PLXNB2: variants seen among roughly 807,000 people sequenced by gnomAD.
The protein encoded by PLXNB2 is plexin B2.
PLXNB2 carries 85 observed loss-of-function variants against 202.6 expected under a neutral mutation model. The ratio of observed to expected loss-of-function variants is 0.42; its 90% CI spans 0.35 to 0.50. PLXNB2 has a LOEUF of 0.50. Among genes scored for constraint, PLXNB2 ranks in the 20% least tolerant of loss-of-function variants. The pLI, the probability that PLXNB2 is intolerant of heterozygous loss-of-function variation, is 0.02. For missense variants in PLXNB2, 2,063 were observed against 2,586.2 expected (o/e 0.80, Z 4.39); for synonymous variants, 1,239 against 1,137.6 (o/e 1.09, Z -1.79).
At chr22:50,279,082 C>T in intron 27 of PLXNB2, 71 bp from the exon 28 acceptor site, 12 of 1,468,390 alleles carry the variant, frequency 8.2e-6, no homozygotes, top group Non-Finnish European at 1.0e-5. Context: ...GAGCCACTCC[C>T]TGCCCCGCCA....
At chr22:50,287,607 G>T in intron 7 of PLXNB2, 60 bp downstream of exon 7, 1 of 1,465,894 alleles carries the variant, frequency 6.8e-7, no homozygotes, top group South Asian at 1.3e-5. Context: ...CCCAGCATGG[G>T]GGAGCCCCCA....
chr22:50,283,661 C>A lies in PLXNB2; in HGVS notation c.2511G>T (p.Arg837Ser). Reference sequence around the variant, plus strand: ...AGCAGTTCCGGCCGGCCACAGAGATCCTCTGGATGTCCCCTGCTTGGACGC... The same window carrying A: ...AGCAGTTCCGGCCGGCCACAGAGATACTCTGGATGTCCCCTGCTTGGACGC... Reference protein sequence around the residue: ...NLGVQAGDIQRISVAGRNCSF... With the variant: ...NLGVQAGDIQSISVAGRNCSF... Residue 837 changes from arginine (R) to serine (S), a missense_variant, in exon 15 of 37, where the codon AGG becomes AGT. By Grantham distance (110) the Arg-to-Ser change is moderately radical. Coordinates refer to ENST00000359337, the MANE Select transcript of PLXNB2 (RefSeq NM_012401.4). The A allele has an allele frequency of 6.2e-7, 1 of 1,613,160 alleles. No homozygotes were observed.
At position 50,289,519 on chromosome 22, in the gene PLXNB2, G is replaced by A; in HGVS notation, c.1066C>T (p.Pro356Ser). The change falls in exon 3 of 37, where the codon CCG becomes TCG. Residue 356 changes from proline to serine, a missense_variant and splice_region_variant. Around this residue, in one of 2 missense-constraint regions of PLXNB2, gnomAD observed 1,303 missense variants for 1,476.8 expected, o/e 0.88. Coordinates refer to ENST00000359337, the MANE Select transcript of PLXNB2 (RefSeq NM_012401.4). The surrounding 1 kb of genome is among the most constrained non-coding windows in gnomAD (Gnocchi z 8.0). ...CGAGAACACACTGAGGCCCATACCG[G>A]CGCGTGGCCGCCGCACTGGATATCG... is the stretch of plus-strand genomic sequence containing the variant. ...HGDIQCGGHAPGSSKSFPCGS... is the reference protein window; with the variant it reads ...HGDIQCGGHASGSSKSFPCGS... 1 of 1,607,546 alleles carries A rather than the reference G, an allele frequency of 6.2e-7. No homozygotes were observed. The highest frequency in any genetic ancestry group is 8.5e-7 in the Non-Finnish European group (1 of 1,177,178).
chr22:50,281,845 C>A lies in PLXNB2; in HGVS notation c.3345+9G>T. The A allele has an allele frequency of 6.2e-7, 1 of 1,608,748 alleles. No individual in the cohort carries two copies. Among genetic ancestry groups the A allele is most frequent in the Non-Finnish European group, 8.5e-7 (1 of 1,177,620 alleles). On this transcript the variant is annotated intron_variant, in intron 20 of 36. Coordinates refer to ENST00000359337, the MANE Select transcript of PLXNB2 (RefSeq NM_012401.4). Reference sequence around the variant, plus strand: ...AGGACCCAGACACCCGGGGCTGCACCGTCCTCACCCGGGCGTGGATGAGCT... The same window carrying A: ...AGGACCCAGACACCCGGGGCTGCACAGTCCTCACCCGGGCGTGGATGAGCT...
chr22:50,294,535 A>G (rs2067121715), intron 2 of PLXNB2, among the ~76,000 whole-genome samples, 184 bp downstream of exon 2: 1 of 147,502 alleles, frequency 6.8e-6, no homozygotes, highest in Admixed American at 6.7e-5. Flanking sequence ...CAGCGGCTCC[A>G]TGGGCAGGGA....
intron 1 of PLXNB2, among the ~76,000 whole-genome samples, chr22:50,299,825 G>A (rs1445212589): frequency 6.6e-6 from 1 of 152,166 alleles, no homozygotes; most frequent in African/African-American, 2.4e-5. Context: ...CTGCGAGCCC[G>A]GTACCCGGCC....
rs763008801 is a variant in PLXNB2, at chr22:50,280,476, C to T, written c.4175+13G>A. On this transcript the variant is annotated intron_variant, in intron 25 of 36. Coordinates refer to ENST00000359337, the MANE Select transcript of PLXNB2 (RefSeq NM_012401.4). ...CCGCCCGTGGCCCCGCTCGTGGCCC[C>T]GCCCATGTGCACCTGCGCAGCATCA... 4.7e-5 allele frequency: 75 copies of T among 1,591,990 alleles called. 1 individual carries two copies. Among genetic ancestry groups the T allele is most frequent in the South Asian group, 1.9e-4 (17 of 90,232 alleles).
rs1426634693 is a variant in PLXNB2, at chr22:50,289,166, G to C, written c.1069-24C>G. On this transcript the variant is annotated intron_variant, in intron 3 of 36. Transcript: ENST00000359337. The surrounding 1 kb of genome is among the most constrained non-coding windows in gnomAD (Gnocchi z 8.0). ...CCCTGCGGACCACAGCGTGTCAATG[G>C]CAGGCAGACCCCCTGTCCTGAAGGG... 6.5e-7 allele frequency: 1 copy of C among 1,532,838 alleles called. No homozygotes were observed. Among genetic ancestry groups the C allele is most frequent in the African/African-American group, 1.4e-5 (1 of 73,110 alleles). The allele number at this position is 1,532,838 out of a possible 1,614,324, so 95.0% of individuals were successfully genotyped here.
At chr22:50,304,193 G>T (rs958258370) in intron 1 of PLXNB2, among the ~76,000 whole-genome samples, 1 of 152,182 alleles carries the variant, frequency 6.6e-6, no homozygotes, top group Non-Finnish European at 1.5e-5. Context: ...AGACATCCCC[G>T]GGGGTGGGGC....
At position 50,283,967 on chromosome 22, in the gene PLXNB2, C is replaced by T; in HGVS notation, c.2287G>A (p.Gly763Ser). 6.5e-7 allele frequency: 1 copy of T among 1,549,826 alleles called. No homozygotes were observed. Among genetic ancestry groups the T allele is most frequent in the Non-Finnish European group, 8.7e-7 (1 of 1,150,508 alleles). Residue 763 changes from glycine to serine, a missense_variant, in exon 14 of 37, where the codon GGC (glycine) becomes AGC (serine). Physicochemically the swap from Gly to Ser is moderately conservative, Grantham distance 56 (BLOSUM62 0). Transcript: ENST00000359337. Reference protein sequence around the residue: ...LHVTLYNCSFGRSDCSLCRAA... With the variant: ...LHVTLYNCSFSRSDCSLCRAA... ...CGGCACAGGCTGCAGTCGCTGCGGC[C>T]AAAGGAGCAGTTGTAGAGGGTCACT...
intron 35 of PLXNB2, 136 bp downstream of exon 35, chr22:50,276,493 G>C: frequency 1.4e-6 from 1 of 738,190 alleles, no homozygotes; most frequent in Non-Finnish European, 2.4e-6. Context: ...ACATGGCCGA[G>C]CCCACCTCGA....
chr22:50,283,459 G>A lies in PLXNB2; in HGVS notation c.2571-14C>T, dbSNP rs759884172. 3.1e-6 allele frequency: 5 copies of A among 1,610,900 alleles called. No homozygotes were observed. The South Asian group carries it at 5.5e-5, about 18-fold the overall frequency. On this transcript the variant is annotated splice_polypyrimidine_tract_variant and intron_variant, in intron 15 of 36. Coordinates refer to ENST00000359337, the MANE Select transcript of PLXNB2 (RefSeq NM_012401.4). ...ACACACACGATCCTGGCGGGCGACA[G>A]GCAGTGTGGCCCAGGCACTCCCCGA...
Position 50,283,130 on chromosome 22 carries a change from T to C in PLXNB2, c.2736A>G (p.Thr912=), listed in dbSNP as rs1390199328. 1 of 1,599,388 alleles carries C rather than the reference T, an allele frequency of 6.3e-7. No individual in the cohort carries two copies. The highest frequency in any genetic ancestry group is 1.3e-5 in the African/African-American group (1 of 74,762). ...CCAGGTGGGTGCCGTGGATGGTCAG[T>C]GTGGTGCCGCCCGCCTGCGGTCCCT... The part of the protein sequence containing the change: ...PQQGPQAGGT[T]LTIHGTHLDT... Residue 912 remains threonine (T), a synonymous_variant, in exon 17 of 37, where the codon ACA becomes ACG. Coordinates refer to ENST00000359337, the MANE Select transcript of PLXNB2 (RefSeq NM_012401.4).
chr22:50,294,922 C>T (rs987980887), intron 1 of PLXNB2, 144 bp from the exon 2 acceptor site: 3 of 198,020 alleles, frequency 1.5e-5, no homozygotes, highest in Non-Finnish European at 2.7e-5. Context: ...CTGGCCCCTG[C>T]ACAGCCCCTT....
rs373573506 is a variant in PLXNB2 at position 50,287,190 on chromosome 22, C to T, written c.1683G>A (p.Pro561=). The stretch of plus-strand genomic sequence containing the variant: ...CGCCCTCCACGCGGGCGGGGTGTGG[C>T]GGCGACTCCCCAAAAAGGCACAGCA... ...DELLCLFGES[P]PHPARVEGEA... Residue 561 remains proline, a synonymous_variant, in exon 8 of 37, where the codon CCG becomes CCA. Transcript: ENST00000359337. The T allele has an allele frequency of 5.6e-5, 86 of 1,548,328 alleles. No homozygotes were observed. The African/African-American group carries it at 8.9e-4, about 16-fold the overall frequency.
Position 50,275,149 on chromosome 22 carries a change from C to T in PLXNB2, c.*555G>A, listed in dbSNP as rs915280315. On this transcript the variant is annotated 3_prime_UTR_variant, in exon 37 of 37. Coordinates refer to ENST00000359337, the MANE Select transcript of PLXNB2 (RefSeq NM_012401.4). The stretch of plus-strand genomic sequence containing the variant: ...GGGCCCCGACGTAGGACTTGACCTA[C>T]GTCTCACTTGACCTTTGACGTGGGG... The T allele has an allele frequency of 4.3e-5, 13 of 299,046 alleles. No individual in the cohort carries two copies. Among genetic ancestry groups the T allele is most frequent in the South Asian group, 1.1e-4 (4 of 35,822 alleles). The allele number at this position is 299,046 out of a possible 1,614,324, so 18.5% of individuals were successfully genotyped here.
At chr22:50,283,505 C>A (rs2066177404) in intron 15 of PLXNB2, 60 bp from the exon 16 acceptor site, 60 of 1,553,902 alleles carry the variant, frequency 3.9e-5, no homozygotes, top group Non-Finnish European at 5.2e-5. Flanking sequence ...ACCCTGACAC[C>A]CTCACCCCCT....
intron 2 of PLXNB2, among the ~76,000 whole-genome samples, chr22:50,292,518 G>A (rs1183454594): frequency 6.6e-6 from 1 of 152,166 alleles, no homozygotes; most frequent in Non-Finnish European, 1.5e-5. Context: ...GCGGGCATGG[G>A]TGGGGCTGGG....
Position 50,289,234 on chromosome 22 carries a change from T to C in PLXNB2, c.1069-92A>G. The C allele has an allele frequency of 8.4e-7, 1 of 1,196,608 alleles. No homozygotes were observed. The highest frequency in any genetic ancestry group is 1.5e-5 in the African/African-American group (1 of 65,138). The allele number at this position is 1,196,608 out of a possible 1,614,324, so 74.1% of individuals were successfully genotyped here. A position where few individuals can be genotyped will look rare whatever the true frequency, so the allele number is the denominator to read the frequency against. Reference sequence around the variant, plus strand: ...CCAAGACTCGGGACAGGCCCTTCCCTTCCCTCCGGCACACGTCCTACACAC... The same window carrying C: ...CCAAGACTCGGGACAGGCCCTTCCCCTCCCTCCGGCACACGTCCTACACAC... On this transcript the variant is annotated intron_variant, in intron 3 of 36. Coordinates refer to ENST00000359337, the MANE Select transcript of PLXNB2 (RefSeq NM_012401.4). This position sits in a 1 kb window ranked among gnomAD's most constrained non-coding sequence, Gnocchi z 8.0.
Sources: gnomAD v4.1 joint callset for allele counts (sites outside exome capture counted in the v4.1 genomes callset) on GRCh38, gnomAD v4.1.1 for gene constraint, gnomAD v4.1.1 regional missense constraint, Gnocchi (gnomAD v3.1) non-coding constraint, MANE v1.5 for transcripts, NCBI Gene and HGNC (gene_info 2026-07-23, HGNC 2026-07-21) for gene names.